QRSL1: variants seen among roughly 807,000 people sequenced by gnomAD.
QRSL1 encodes glutaminyl-tRNA amidotransferase subunit QRSL1, also known as glutamyl-tRNA(Gln) amidotransferase subunit A, mitochondrial.
In QRSL1, 54 loss-of-function variants were observed where a neutral mutation model predicts 61.6. The observed-to-expected ratio is 0.88, with a 90% CI of 0.70 to 1.10. The LOEUF is 1.10. QRSL1 is among the 50% of genes least tolerant of loss of function. The pLI, the probability that QRSL1 is intolerant of heterozygous loss-of-function variation, is 0.00. For synonymous variants in QRSL1, 228 were observed against 225.7 expected, an observed-to-expected ratio of 1.01 and a Z score of -0.09; for missense variants, 505 against 622.6, an observed-to-expected ratio of 0.81 and a Z score of 2.01.
At chr6:106,649,835 C>G (rs1318150416) in intron 5 of QRSL1, among the ~76,000 whole-genome samples, 1 of 151,934 alleles carries the variant, frequency 6.6e-6, no homozygotes, top group Non-Finnish European at 1.5e-5. Flanking sequence ...TCTTAACTAC[C>G]CAAAGAAAAG....
chr6:106,666,960 T>G lies in QRSL1; in HGVS notation c.*958T>G, dbSNP rs533792814. 8 of 152,228 alleles carry G rather than the reference T, an allele frequency of 5.3e-5. No individual in the cohort carries two copies. The East Asian group carries it at 1.5e-3, about 29-fold the overall frequency. The allele number at this position is 152,228 out of a possible 1,614,324, so 9.4% of individuals were successfully genotyped here. ...GAGAACTTTCCTTTCCTCCTTAGAG[T>G]TACAATTTTACTTCTGCTATTCCGG... On this transcript the variant is annotated 3_prime_UTR_variant, in exon 11 of 11. Transcript: ENST00000369046.
At chr6:106,663,596 C>T (rs1439445561) in intron 10 of QRSL1, among the ~76,000 whole-genome samples, 4 of 152,192 alleles carry the variant, frequency 2.6e-5, no homozygotes, top group African/African-American at 9.6e-5. Flanking sequence ...AACTCACTCA[C>T]TATCACGAGA....
chr6:106,642,054 T>C (rs190863901), intron 3 of QRSL1, among the ~76,000 whole-genome samples: 5 of 152,202 alleles, frequency 3.3e-5, no homozygotes, highest in African/African-American at 9.6e-5. Context: ...TTTTGTTTTT[T>C]GTTTGTTTGT....
At chr6:106,631,847 G>A (rs573213003) in intron 1 of QRSL1, among the ~76,000 whole-genome samples, 5 of 151,992 alleles carry the variant, frequency 3.3e-5, no homozygotes, top group Non-Finnish European at 5.9e-5. Context: ...ATTTTTAAAC[G>A]TACAATAAAC....
chr6:106,650,601 G>C (rs1374476820), intron 5 of QRSL1, among the ~76,000 whole-genome samples: 1 of 152,106 alleles, frequency 6.6e-6, no homozygotes, highest in African/African-American at 2.4e-5. Context: ...TTTTAAAATA[G>C]GAAGATTCCT....
At chr6:106,646,970 G>C (rs1415501395) in intron 4 of QRSL1, among the ~76,000 whole-genome samples, 3 of 138,546 alleles carry the variant, frequency 2.2e-5, no homozygotes, top group Non-Finnish European at 3.0e-5. Flanking sequence ...AGAGGTTGCA[G>C]TGAGCCGAAA....
chr6:106,631,803 G>A (rs559809015), intron 1 of QRSL1, among the ~76,000 whole-genome samples: 1 of 152,078 alleles, frequency 6.6e-6, no homozygotes, highest in Non-Finnish European at 1.5e-5. Context: ...TCATTTCTTT[G>A]TGTTACAAAC....
chr6:106,661,702 T>A (rs1361128654), intron 9 of QRSL1, among the ~76,000 whole-genome samples: 4 of 111,020 alleles, frequency 3.6e-5, no homozygotes, highest in Admixed American at 2.7e-4. Flanking sequence ...TTTTTTTTTT[T>A]TTTTTTTTTT....
chr6:106,649,772 T>C (rs1035358945), intron 5 of QRSL1, among the ~76,000 whole-genome samples: 1 of 152,228 alleles, frequency 6.6e-6, no homozygotes, highest in Non-Finnish European at 1.5e-5. Flanking sequence ...TATCATACTT[T>C]GTATTTGGTA....
intron 1 of QRSL1, among the ~76,000 whole-genome samples, chr6:106,631,686 A>G (rs1434984606): frequency 1.3e-5 from 2 of 152,182 alleles, no homozygotes; most frequent in African/African-American, 2.4e-5. Context: ...TAATGGGTAC[A>G]TAGTAGGTGT....
chr6:106,639,111 GTTT>G (rs1562164982), intron 1 of QRSL1, among the ~76,000 whole-genome samples: 3 of 60,750 alleles, frequency 4.9e-5, no homozygotes, highest in African/African-American at 2.0e-4. Context: ...TTATTTGTGT[GTTT>G]TGTTGTTTTT....
Position 106,652,283 on chromosome 6 carries a change from G to C in QRSL1, c.632G>C (p.Ser211Thr). Residue 211 changes from serine to threonine, a missense_variant, in exon 6 of 11, where the codon AGC (serine) becomes ACC (threonine). Ser to Thr is a moderately conservative substitution (Grantham distance 58, BLOSUM62 1). Coordinates refer to ENST00000369046, the MANE Select transcript of QRSL1 (RefSeq NM_018292.5). ...AHCGLVGFKP[S>T]YGLVSRHGLI... The stretch of plus-strand genomic sequence containing the variant: ...TGTGGGCTTGTTGGTTTCAAACCAA[G>C]CTATGGCTTAGTTTCCCGTCATGGT... 2 of 1,614,194 alleles carry C rather than the reference G, an allele frequency of 1.2e-6. No homozygotes were observed. The highest frequency in any genetic ancestry group is 1.7e-6 in the Non-Finnish European group (2 of 1,180,026).
At chr6:106,640,238 C>T in intron 1 of QRSL1, 111 bp from the exon 2 acceptor site, 3 of 934,038 alleles carry the variant, frequency 3.2e-6, no homozygotes, top group Non-Finnish European at 5.0e-6. Flanking sequence ...GAACCCAAGC[C>T]TCACTTTAAA....
At chr6:106,665,750 T>A in intron 10 of QRSL1, 32 bp from the exon 11 acceptor site, 1 of 1,575,658 alleles carries the variant, frequency 6.3e-7, no homozygotes, top group Non-Finnish European at 8.7e-7. Context: ...GGTGGAGAAT[T>A]AATCACCTAC....
At chr6:106,653,190 T>G (rs1777213710) in intron 7 of QRSL1, 1 of 157,576 alleles carries the variant, frequency 6.3e-6, no homozygotes, top group Admixed American at 6.2e-5. Flanking sequence ...ACTAACCTTT[T>G]AAAAATATTA....
Position 106,640,475 on chromosome 6 carries a change from C to A in QRSL1, c.151C>A (p.Gln51Lys). 1 of 1,589,968 alleles carries A rather than the reference C, an allele frequency of 6.3e-7. No homozygotes were observed. The highest frequency in any genetic ancestry group is 1.9e-5 in the Admixed American group (1 of 52,540). The change falls in exon 2 of 11, where the codon CAA becomes AAA. Residue 51 changes from glutamine (Q) to lysine (K), a missense_variant. Coordinates refer to ENST00000369046, the MANE Select transcript of QRSL1 (RefSeq NM_018292.5). ...TGTGTCAGAAGAGGTGGCCTTAAAA[C>A]AAGCTGAAGAATCAGAAAAGAGATA... ...ITVSEEVALKQAEESEKRYKN... is the reference protein window; with the variant it reads ...ITVSEEVALKKAEESEKRYKN...
intron 3 of QRSL1, among the ~76,000 whole-genome samples, chr6:106,641,146 A>G (rs1017937129): frequency 1.3e-5 from 2 of 152,184 alleles, no homozygotes; most frequent in Non-Finnish European, 2.9e-5. Flanking sequence ...CAAAAATTCT[A>G]TTAATATTTA....
chr6:106,643,220 G>A, intron 4 of QRSL1, 130 bp downstream of exon 4: 1 of 660,414 alleles, frequency 1.5e-6, no homozygotes. Flanking sequence ...ATGTTATGTT[G>A]TTTAATAGAT....
intron 4 of QRSL1, among the ~76,000 whole-genome samples, chr6:106,646,730 A>T (rs1175071746): frequency 6.6e-6 from 1 of 152,102 alleles, no homozygotes; most frequent in Non-Finnish European, 1.5e-5. Flanking sequence ...AAATCCACTT[A>T]AAAAATTGAT....
Sources: gnomAD v4.1 joint callset for allele counts (sites outside exome capture counted in the v4.1 genomes callset) on GRCh38, gnomAD v4.1.1 for gene constraint, MANE v1.5 for transcripts, NCBI Gene and HGNC (gene_info 2026-07-23, HGNC 2026-07-21) for gene names.